SLIT3: variants seen among roughly 807,000 people sequenced by gnomAD.
The protein encoded by SLIT3 is slit guidance ligand 3.
SLIT3 carries 68 observed loss-of-function variants against 184.0 expected under a neutral mutation model. That is an observed-to-expected ratio of 0.37 (90% CI 0.30 to 0.45). The LOEUF is 0.45. Among genes scored for constraint, SLIT3 ranks in the 20% least tolerant of loss-of-function variants. The probability of loss-of-function intolerance (pLI) is 1.00; values close to 1 mark genes in which losing one functional copy is unlikely to be tolerated. For missense variants in SLIT3, 1,707 were observed against 2,026.0 expected (o/e 0.84, Z 3.02); for synonymous variants, 831 against 828.6 (o/e 1.00, Z -0.05).
intron 3 of SLIT3, among the ~76,000 whole-genome samples, chr5:169,227,587 C>G (rs532182915): frequency 6.6e-6 from 1 of 152,246 alleles, no homozygotes; most frequent in African/African-American, 2.4e-5. Flanking sequence ...ACCACCACAC[C>G]CAGCCAATTT....
intron 4 of SLIT3, among the ~76,000 whole-genome samples, chr5:169,070,651 A>G (rs182779339): frequency 6.6e-6 from 1 of 152,176 alleles, no homozygotes; most frequent in Non-Finnish European, 1.5e-5. Context: ...TCGGTTCAGC[A>G]TCAGGGTTTC....
At chr5:168,677,449 GTT>G (rs567172725) in intron 32 of SLIT3, among the ~76,000 whole-genome samples, 1 of 151,640 alleles carries the variant, frequency 6.6e-6, no homozygotes, top group East Asian at 1.9e-4. Context: ...ACTGTTTTTT[GTT>G]TTGTTTTTGT....
At chr5:168,772,622 G>T in intron 14 of SLIT3, 159 bp downstream of exon 14, 1 of 681,598 alleles carries the variant, frequency 1.5e-6, no homozygotes, top group Non-Finnish European at 2.5e-6. Context: ...AAGGTAACTG[G>T]TTTTCTGCAG....
chr5:168,864,880 G>A (rs1366428719), intron 5 of SLIT3, among the ~76,000 whole-genome samples: 2 of 152,096 alleles, frequency 1.3e-5, no homozygotes, highest in African/African-American at 4.8e-5. Context: ...AGCAATATTA[G>A]AAAATGGATA....
chr5:168,911,559 AATAC>A (rs1162322045), intron 4 of SLIT3, among the ~76,000 whole-genome samples: 1 of 152,240 alleles, frequency 6.6e-6, no homozygotes, highest in East Asian at 1.9e-4. Context: ...GCATAATGAA[AATAC>A]ATACATGCAT....
At chr5:168,687,805 C>T (rs1373574139) in intron 29 of SLIT3, among the ~76,000 whole-genome samples, 3 of 152,186 alleles carry the variant, frequency 2.0e-5, no homozygotes, top group Non-Finnish European at 1.5e-5. Context: ...ACTGTTTGCA[C>T]TCTGAGATTC....
At chr5:169,201,674 T>G (rs297853) in intron 3 of SLIT3, among the ~76,000 whole-genome samples, 1 of 152,142 alleles carries the variant, frequency 6.6e-6, no homozygotes, top group Middle Eastern at 3.4e-3. Flanking sequence ...ACATAAAGGG[T>G]TTGTTCCATA....
intron 16 of SLIT3, among the ~76,000 whole-genome samples, chr5:168,758,471 G>T (rs1033677699): frequency 6.6e-6 from 1 of 152,206 alleles, no homozygotes; most frequent in African/African-American, 2.4e-5. Context: ...TAAAAACAAA[G>T]TACATTTCTC....
chr5:169,154,484 C>T (rs1762233312), intron 4 of SLIT3, among the ~76,000 whole-genome samples: 1 of 152,252 alleles, frequency 6.6e-6, no homozygotes, highest in South Asian at 2.1e-4. Flanking sequence ...CTGGCAGACA[C>T]ATCTCATTGC....
intron 20 of SLIT3, among the ~76,000 whole-genome samples, chr5:168,734,734 G>A (rs769838886): frequency 5.3e-5 from 8 of 152,122 alleles, no homozygotes; most frequent in African/African-American, 7.2e-5. Context: ...GACATCTTTC[G>A]TGTGATTCTG....
At chr5:168,747,292 G>A (rs1271324695) in intron 20 of SLIT3, among the ~76,000 whole-genome samples, 3 of 152,174 alleles carry the variant, frequency 2.0e-5, no homozygotes, top group Non-Finnish European at 4.4e-5. Flanking sequence ...ATTTTTCACA[G>A]TTGTCACTTC....
chr5:168,952,235 C>T (rs76430394), intron 4 of SLIT3, among the ~76,000 whole-genome samples: 38 of 152,256 alleles, frequency 2.5e-4, no homozygotes, highest in African/African-American at 6.7e-4. Context: ...TTTCTGAAAA[C>T]GCAAAATAGG....
At chr5:168,830,881 G>T (rs897881038) in intron 6 of SLIT3, among the ~76,000 whole-genome samples, 9 of 152,196 alleles carry the variant, frequency 5.9e-5, no homozygotes, top group African/African-American at 2.2e-4. Context: ...TTTCCAAGGT[G>T]GAGGTGAATC....
intron 4 of SLIT3, among the ~76,000 whole-genome samples, chr5:168,947,261 A>G (rs1762509237): frequency 6.6e-6 from 1 of 152,170 alleles, no homozygotes; most frequent in Admixed American, 6.5e-5. Context: ...TCTGCTGGGG[A>G]CTTTTCTGGG....
At chr5:169,290,671 C>T (rs1410587670) in intron 1 of SLIT3, among the ~76,000 whole-genome samples, 3 of 144,968 alleles carry the variant, frequency 2.1e-5, no homozygotes, top group African/African-American at 2.6e-5. Flanking sequence ...CTAGGGCATA[C>T]GCTAGGGCAC....
intron 1 of SLIT3, among the ~76,000 whole-genome samples, chr5:169,269,374 C>A (rs1267354271): frequency 6.6e-6 from 1 of 152,254 alleles, no homozygotes; most frequent in Admixed American, 6.5e-5. Context: ...CCTCCACTCT[C>A]TATGGTTCTC....
At chr5:169,084,299 T>G (rs557310592) in intron 4 of SLIT3, among the ~76,000 whole-genome samples, 36 of 151,654 alleles carry the variant, frequency 2.4e-4, no homozygotes, top group Non-Finnish European at 3.8e-4. Context: ...CTTTTTTTTT[T>G]TTTTGAGACA....
At chr5:169,200,419 A>G (rs1376531890) in intron 3 of SLIT3, among the ~76,000 whole-genome samples, 1 of 152,058 alleles carries the variant, frequency 6.6e-6, no homozygotes, top group African/African-American at 2.4e-5. Context: ...AAACACTCAC[A>G]TGTCTCAACA....
intron 4 of SLIT3, among the ~76,000 whole-genome samples, chr5:169,138,410 C>T (rs1761601030): frequency 6.6e-6 from 1 of 152,120 alleles, no homozygotes; most frequent in African/African-American, 2.4e-5. Context: ...TTCCTGCAGC[C>T]ACATATCTGC....
Sources: allele counts gnomAD v4.1 joint callset (sites outside exome capture counted in the v4.1 genomes callset), GRCh38; gene constraint gnomAD v4.1.1; transcripts MANE v1.5; gene names NCBI Gene and HGNC (gene_info 2026-07-23, HGNC 2026-07-21).